DDX51: variants seen among roughly 807,000 people sequenced by gnomAD.
The protein encoded by DDX51 is ATP-dependent RNA helicase DDX51.
In DDX51, 67 loss-of-function variants were observed where a neutral mutation model predicts 74.6. The ratio of observed to expected loss-of-function variants is 0.90; its 90% CI spans 0.74 to 1.10. The LOEUF (loss-of-function observed/expected upper bound fraction) is 1.10, where lower values mean the gene tolerates loss of function less well. Ranked by LOEUF, DDX51 falls within the 50% of genes least tolerant of loss-of-function variation. The pLI is 0.00. For synonymous variants in DDX51, 545 were observed against 402.9 expected, an observed-to-expected ratio of 1.35 and a Z score of -4.22; for missense variants, 1,056 against 905.2, an observed-to-expected ratio of 1.17 and a Z score of -2.14.
intron 2 of DDX51, chr12:132,143,413 G>A (rs966633297): frequency 3.6e-6 from 2 of 550,732 alleles, no homozygotes; most frequent in African/African-American, 2.0e-5. Context: ...TACTCCTGAG[G>A]CGGTGAGCGC....
chr12:132,140,664 G>C lies in DDX51; in HGVS notation c.1512C>G (p.Phe504Leu). ...VVLHLVLEMGFSRVLCFTNSR... is the reference protein window; with the variant it reads ...VVLHLVLEMGLSRVLCFTNSR... Reference sequence around the variant, plus strand: ...AGTTAGTGAAGCAGAGAACCCTCGAGAAGCCCATCTCCAGGACCAGGTGCA... The same window carrying C: ...AGTTAGTGAAGCAGAGAACCCTCGACAAGCCCATCTCCAGGACCAGGTGCA... Residue 504 changes from phenylalanine (F) to leucine (L), a missense_variant, in exon 10 of 15, where the codon TTC becomes TTG. Physicochemically the swap from Phe to Leu is conservative, Grantham distance 22. Coordinates refer to ENST00000397333, the MANE Select transcript of DDX51 (RefSeq NM_175066.4). 1 of 1,613,052 alleles carries C rather than the reference G, an allele frequency of 6.2e-7. No homozygotes were observed. The highest frequency in any genetic ancestry group is 1.3e-5 in the African/African-American group (1 of 75,064).
In DDX51 at chr12:132,139,651, A is replaced by T; in HGVS notation, c.1958T>A (p.Leu653Gln). 1 of 1,613,064 alleles carries T rather than the reference A, an allele frequency of 6.2e-7. No individual in the cohort carries two copies. Among genetic ancestry groups the T allele is most frequent in the Non-Finnish European group, 8.5e-7 (1 of 1,179,988 alleles). Reference sequence around the variant, plus strand: ...TGCCCTTACCTTGACAGACTCCTCCAGCTGGGACAGGGCCTCCTCGTACCG... The same window carrying T: ...TGCCCTTACCTTGACAGACTCCTCCTGCTGGGACAGGGCCTCCTCGTACCG... ...VPRYEEALSQ[L>Q]EESVKEERKQ... Residue 653 changes from leucine (L) to glutamine (Q), a missense_variant, in exon 14 of 15, where the codon CTG becomes CAG. Leu to Gln is a moderately radical substitution (Grantham distance 113). Coordinates refer to ENST00000397333, the MANE Select transcript of DDX51 (RefSeq NM_175066.4).
In DDX51 at chr12:132,140,889, A is replaced by G. The variant is rs369866312; in HGVS notation, c.1382T>C (p.Leu461Pro). ...ATCCCCGTCCCCATCTGTATCTTCC[A>G]GGCCCCTGTGTGCTAGCCCTGTGGA... ...LFSTGLAHRGLEDTDGDGDSG... is the reference protein window; with the variant it reads ...LFSTGLAHRGPEDTDGDGDSG... The change falls in exon 9 of 15, where the codon CTG becomes CCG. Residue 461 changes from leucine to proline, a missense_variant. Leu to Pro is a moderately conservative substitution (Grantham distance 98). Transcript: ENST00000397333. 3.3e-5 allele frequency: 53 copies of G among 1,613,374 alleles called. No homozygotes were observed. The African/African-American group carries it at 6.1e-4, about 19-fold the overall frequency.
intron 14 of DDX51, 77 bp downstream of exon 14, chr12:132,139,558 T>C: frequency 6.2e-7 from 1 of 1,611,230 alleles, no homozygotes; most frequent in Non-Finnish European, 8.5e-7. Flanking sequence ...TTCCCTCTTT[T>C]CTCCACGTGT....
At position 132,138,641 on chromosome 12, in the gene DDX51, C is replaced by T. The variant is rs11246938; in HGVS notation, c.*631G>A. 38,790 of 134,468 alleles carry T rather than the reference C, an allele frequency of 0.29. 8,063 individuals are homozygous for T. Among genetic ancestry groups the T allele is most frequent in the African/African-American group, 0.6 (23,101 of 38,392 alleles). The allele number at this position is 134,468 out of a possible 1,614,324, so 8.3% of individuals were successfully genotyped here. A position where few individuals can be genotyped will look rare whatever the true frequency, so the allele number is the denominator to read the frequency against. ...CGCCCGGCAATTTTTTTTTTTGAGA[C>T]GGAGTTTTGCTCTTGTTGCCCAGGC... On this transcript the variant is annotated 3_prime_UTR_variant, in exon 15 of 15. Coordinates refer to ENST00000397333, the MANE Select transcript of DDX51 (RefSeq NM_175066.4).
At position 132,140,661 on chromosome 12, in the gene DDX51, C is replaced by T. The variant is rs137859936; in HGVS notation, c.1515G>A (p.Ser505=). ...VLHLVLEMGF[S]RVLCFTNSRE... ...GGGAGTTAGTGAAGCAGAGAACCCT[C>T]GAGAAGCCCATCTCCAGGACCAGGT... is the stretch of plus-strand genomic sequence containing the variant. The change falls in exon 10 of 15, where the codon TCG becomes TCA. Residue 505 remains serine, a synonymous_variant. Coordinates refer to ENST00000397333, the MANE Select transcript of DDX51 (RefSeq NM_175066.4). 1.4e-3 allele frequency: 2,313 copies of T among 1,612,978 alleles called. 5 individuals carry two copies. Among genetic ancestry groups the T allele is most frequent in the Non-Finnish European group, 1.5e-3 (1,787 of 1,180,020 alleles).
Position 132,141,838 on chromosome 12 carries a change from G to C in DDX51, c.995+12C>G, listed in dbSNP as rs769573650. On this transcript the variant is annotated intron_variant, in intron 6 of 14. Coordinates refer to ENST00000397333, the MANE Select transcript of DDX51 (RefSeq NM_175066.4). ...GGACCCCCTGAAAAACCCGCACCCT[G>C]ACACAACCTACGTTTTCTGGACGAG... 6.2e-7 allele frequency: 1 copy of C among 1,612,576 alleles called. No homozygotes were observed.
In DDX51 at chr12:132,141,852, T is replaced by C; in HGVS notation, c.993A>G (p.Lys331=). 1.9e-6 allele frequency: 3 copies of C among 1,613,014 alleles called. No homozygotes were observed. The highest frequency in any genetic ancestry group is 2.5e-6 in the Non-Finnish European group (3 of 1,179,940). Residue 331 remains lysine (K), a splice_region_variant and synonymous_variant, in exon 6 of 15, where the codon AAA becomes AAG. Coordinates refer to ENST00000397333, the MANE Select transcript of DDX51 (RefSeq NM_175066.4). ...LAKEQESLVQ[K]TADGYRCLAD... The stretch of plus-strand genomic sequence containing the variant: ...ACCCGCACCCTGACACAACCTACGT[T>C]TTCTGGACGAGGCTCTCCTGCTCCT...
chr12:132,144,181 T>C lies in DDX51; in HGVS notation c.116A>G (p.Gln39Arg). Reference sequence around the variant, plus strand: ...CTGCTGCCGTTCGCGGGCCCGGCTCTGCAGCCGCTCGAGCAGCGCGCGGGC... The same window carrying C: ...CTGCTGCCGTTCGCGGGCCCGGCTCCGCAGCCGCTCGAGCAGCGCGCGGGC... ...GRARALLERL[Q>R]SRARERQQQR... The change falls in exon 1 of 15, where the codon CAG becomes CGG. Residue 39 changes from glutamine (Q) to arginine (R), a missense_variant. Coordinates refer to ENST00000397333, the MANE Select transcript of DDX51 (RefSeq NM_175066.4). 6.8e-6 allele frequency: 8 copies of C among 1,177,262 alleles called. No individual in the cohort carries two copies. The highest frequency in any genetic ancestry group is 8.4e-6 in the Non-Finnish European group (8 of 953,646). The allele number at this position is 1,177,262 out of a possible 1,614,324, so 72.9% of individuals were successfully genotyped here. A position where few individuals can be genotyped will look rare whatever the true frequency, so the allele number is the denominator to read the frequency against.
Position 132,139,905 on chromosome 12 carries a change from C to T in DDX51, c.1795G>A (p.Ala599Thr), listed in dbSNP as rs1296081736. ...YVHRVGRTAR[A>T]GKTGQAFTLL... ...GTGAAGGCCTGTCCAGTTTTCCCAG[C>T]GCGAGCTGTCCTCCCAACCCTGGAA... Residue 599 changes from alanine to threonine, a missense_variant, in exon 13 of 15, where the codon GCT becomes ACT. Ala to Thr is a moderately conservative substitution (Grantham distance 58, BLOSUM62 0). Coordinates refer to ENST00000397333, the MANE Select transcript of DDX51 (RefSeq NM_175066.4). The T allele has an allele frequency of 8.7e-6, 14 of 1,612,984 alleles. No individual in the cohort carries two copies. Among genetic ancestry groups the T allele is most frequent in the Admixed American group, 1.7e-5 (1 of 60,012 alleles).
In DDX51 at chr12:132,139,068, G is replaced by C; in HGVS notation, c.*204C>G. ...ATCCTGACCTCCACACTCTGAAAGT[G>C]ACAAGCCCTGAAGTCTCCAGTCGGG... is the stretch of plus-strand genomic sequence containing the variant. On this transcript the variant is annotated 3_prime_UTR_variant, in exon 15 of 15. Transcript: ENST00000397333. 1.5e-6 allele frequency: 1 copy of C among 670,632 alleles called. No homozygotes were observed. Among genetic ancestry groups the C allele is most frequent in the South Asian group, 2.0e-5 (1 of 49,234 alleles). The allele number at this position is 670,632 out of a possible 1,614,324, so 41.5% of individuals were successfully genotyped here. A position where few individuals can be genotyped will look rare whatever the true frequency, so the allele number is the denominator to read the frequency against.
At chr12:132,140,247 C>T in intron 11 of DDX51, 48 bp from the exon 12 acceptor site, 1 of 1,592,056 alleles carries the variant, frequency 6.3e-7, no homozygotes, top group Non-Finnish European at 8.6e-7. Context: ...GGAGCAGGGG[C>T]CGTGGCAGCA....
intron 2 of DDX51, 191 bp downstream of exon 2, chr12:132,143,504 G>C: frequency 6.8e-6 from 5 of 739,108 alleles, no homozygotes; most frequent in Non-Finnish European, 6.3e-6. Flanking sequence ...GGCAAGCCTA[G>C]CAGAGGAAAC....
Position 132,144,079 on chromosome 12 carries a change from C to CGCCGCCGGG in DDX51, c.209_217dup (p.Pro70_Arg72dup). ...CGGCTCCGCGTCGTTCACCCGCCGC[C>CGCCGCCGGG]GCCGCCGGGGCCGCCGTCGCCTCCT... On this transcript the variant is annotated inframe_insertion, in exon 1 of 15. Transcript: ENST00000397333. 2 of 1,239,406 alleles carry CGCCGCCGGG rather than the reference C, an allele frequency of 1.6e-6. No homozygotes were observed. Among genetic ancestry groups the CGCCGCCGGG allele is most frequent in the Non-Finnish European group, 2.0e-6 (2 of 993,518 alleles). 76.8% of individuals were successfully genotyped at this position (1,239,406 alleles called of 1,614,324 possible).
At position 132,137,406 on chromosome 12, in the gene DDX51, T is replaced by A. The variant is rs528108861; in HGVS notation, c.*1866A>T. ...GTTAGAAAGGGAGCTATTTTTGAGC[T>A]GCTTTTTGTTAAAAGGCAAATTTTC... On this transcript the variant is annotated 3_prime_UTR_variant, in exon 15 of 15. Transcript: ENST00000397333. The A allele has an allele frequency of 1.3e-5, 2 of 152,268 alleles. No individual in the cohort carries two copies. Among genetic ancestry groups the A allele is most frequent in the African/African-American group, 4.8e-5 (2 of 41,484 alleles). The allele number at this position is 152,268 out of a possible 1,614,324, so 9.4% of individuals were successfully genotyped here.
At position 132,143,720 on chromosome 12, in the gene DDX51, C is replaced by G; in HGVS notation, c.494G>C (p.Gly165Ala). The G allele has an allele frequency of 6.5e-7, 1 of 1,537,422 alleles. No homozygotes were observed. The highest frequency in any genetic ancestry group is 8.7e-7 in the Non-Finnish European group (1 of 1,143,872). Residue 165 changes from glycine (G) to alanine (A), a missense_variant, in exon 2 of 15, where the codon GGG (glycine) becomes GCG (alanine). By Grantham distance (60) the Gly-to-Ala change is moderately conservative (BLOSUM62 0). Transcript: ENST00000397333. ...GPLVPGLVLGGFGKRKAPKVQ... is the reference protein window; with the variant it reads ...GPLVPGLVLGAFGKRKAPKVQ... The stretch of plus-strand genomic sequence containing the variant: ...CTTCGGCGCCTTCCTCTTCCCGAAC[C>G]CCCCCAGCACCAGGCCGGGGACCAG...
In DDX51 at chr12:132,139,113, C is replaced by T. The variant is rs982266421; in HGVS notation, c.*159G>A. The T allele has an allele frequency of 5.4e-5, 60 of 1,120,288 alleles. No homozygotes were observed. Among genetic ancestry groups the T allele is most frequent in the South Asian group, 3.0e-4 (20 of 66,870 alleles). The allele number at this position is 1,120,288 out of a possible 1,614,324, so 69.4% of individuals were successfully genotyped here. ...GTCGGGGCAGGTGCTTGAGCTCTGA[C>T]GCCCGGGCTGCCTGGCGCAGAGACC... On this transcript the variant is annotated 3_prime_UTR_variant, in exon 15 of 15. Coordinates refer to ENST00000397333, the MANE Select transcript of DDX51 (RefSeq NM_175066.4).
chr12:132,142,805 G>C lies in DDX51; in HGVS notation c.593C>G (p.Pro198Arg), dbSNP rs774424783. ...ATGGACGTCAGGGATGTCCTCGATA[G>C]GAACCAGGTCTTCGGTGACATTCCT... ...VRRNVTEDLV[P>R]IEDIPDVHPD... The change falls in exon 3 of 15, where the codon CCT (proline) becomes CGT (arginine). Residue 198 changes from proline (P) to arginine (R), a missense_variant. Pro to Arg is a moderately radical substitution (Grantham distance 103). Coordinates refer to ENST00000397333, the MANE Select transcript of DDX51 (RefSeq NM_175066.4). The C allele has an allele frequency of 1.9e-6, 3 of 1,613,110 alleles. No individual in the cohort carries two copies. In the South Asian group the frequency reaches 3.3e-5, roughly 18 times the overall value.
At chr12:132,139,594 C>T (rs753393382) in intron 14 of DDX51, 41 bp downstream of exon 14, 23 of 1,613,018 alleles carry the variant, frequency 1.4e-5, no homozygotes, top group Non-Finnish European at 1.9e-5. Context: ...TCTGCAAACG[C>T]CCTCCCCAGA....
Sources: gnomAD v4.1 joint callset for allele counts on GRCh38, gnomAD v4.1.1 for gene constraint, MANE v1.5 for transcripts, NCBI Gene and HGNC (gene_info 2026-07-23, HGNC 2026-07-21) for gene names.